The following FANCC variants were observed in gnomAD, a reference collection of about 807,000 sequenced individuals.
FANCC encodes Fanconi anemia group C protein.
A neutral mutation model predicts 71.3 loss-of-function variants in FANCC; 55 were observed. That is an observed-to-expected ratio of 0.77 (90% CI 0.62 to 0.97). The LOEUF (loss-of-function observed/expected upper bound fraction) is 0.97. Ranked by LOEUF, FANCC falls within the 50% of genes least tolerant of loss-of-function variation. The pLI is 0.00. For synonymous variants in FANCC, 275 were observed against 244.9 expected, an observed-to-expected ratio of 1.12 and a Z score of -1.15; for missense variants, 678 against 670.9, an observed-to-expected ratio of 1.01 and a Z score of -0.12.
chr9:95,309,314 T>G (rs757033217), intron 1 of FANCC, among the ~76,000 whole-genome samples: 42 of 152,334 alleles, frequency 2.8e-4, no homozygotes, highest in South Asian at 8.3e-4. Context: ...AAATGCATGC[T>G]GTTATACCAA....
rs927970499 is a variant in FANCC, at chr9:95,106,956, G to C, written c.1533+110C>G. ...CTCCTTGACCATTTATCTGTGCTGG[G>C]CAGCATCCTGGTACACACACTGTGC... On this transcript the variant is annotated intron_variant, in intron 14 of 14. Coordinates refer to ENST00000289081, the MANE Select transcript of FANCC (RefSeq NM_000136.3). The C allele has an allele frequency of 5.7e-6, 6 of 1,058,924 alleles. No individual in the cohort carries two copies. The African/African-American group carries it at 9.4e-5, about 17-fold the overall frequency. 65.6% of individuals were successfully genotyped at this position (1,058,924 alleles called of 1,614,324 possible). A position where few individuals can be genotyped will look rare whatever the true frequency, so the allele number is the denominator to read the frequency against.
chr9:95,183,467 G>C (rs1195676014), intron 4 of FANCC, among the ~76,000 whole-genome samples: 4 of 152,252 alleles, frequency 2.6e-5, no homozygotes, highest in Non-Finnish European at 5.9e-5. Flanking sequence ...CTTACAGCTA[G>C]TGAAGAACAT....
chr9:95,294,688 G>A (rs544701761), intron 1 of FANCC: 16 of 1,596,250 alleles, frequency 1.0e-5, no homozygotes, highest in African/African-American at 8.0e-5. Flanking sequence ...CACCAACAAC[G>A]AAACTCAAAC....
intron 1 of FANCC, among the ~76,000 whole-genome samples, chr9:95,295,539 A>G (rs552105390): frequency 2.0e-5 from 3 of 152,282 alleles, no homozygotes; most frequent in East Asian, 1.9e-4. Flanking sequence ...CAAAACCACA[A>G]TAAGAGAGGA....
intron 6 of FANCC, among the ~76,000 whole-genome samples, chr9:95,157,568 C>G (rs1053021891): frequency 1.3e-5 from 2 of 152,242 alleles, no homozygotes; most frequent in African/African-American, 4.8e-5. Flanking sequence ...TGGTTACCGT[C>G]TAGCCTTCTG....
chr9:95,126,607 TGTGAAATATCACAAG>T, intron 8 of FANCC, 26 bp from the exon 9 acceptor site: 2 of 1,611,830 alleles, frequency 1.2e-6, no homozygotes, highest in Non-Finnish European at 1.7e-6. Flanking sequence ...ACCATGAGAA[TGTGAAATATCACAAG>T]CACTTTCTCA....
At chr9:95,274,808 C>G (rs1199982387) in intron 1 of FANCC, among the ~76,000 whole-genome samples, 1 of 152,052 alleles carries the variant, frequency 6.6e-6, no homozygotes, top group Admixed American at 6.6e-5. Context: ...TGGACTGATA[C>G]ACAGTATGGG....
chr9:95,281,675 TA>T lies in FANCC; in HGVS notation c.-78-32307del, dbSNP rs1223725778. Among the ~76,000 whole-genome samples the T allele has an allele frequency of 2.6e-5, 4 of 152,244 alleles. 1 individual carries two copies. The highest frequency in any genetic ancestry group is 4.1e-4 in the South Asian group (2 of 4,830). The stretch of plus-strand genomic sequence containing the variant: ...CTGTAATGGTGGTATGTACATCATA[TA>T]TTTTTTTAAGAAGGTTAAGACAACA... On this transcript the variant is annotated intron_variant, in intron 1 of 14. Coordinates refer to ENST00000289081, the MANE Select transcript of FANCC (RefSeq NM_000136.3).
Position 95,293,688 on chromosome 9 carries a change from C to G in FANCC, c.-79+23838G>C, listed in dbSNP as rs1439243653. 4 of 1,613,838 alleles carry G rather than the reference C, an allele frequency of 2.5e-6. No homozygotes were observed. The African/African-American group carries it at 4.0e-5, about 16-fold the overall frequency. On this transcript the variant is annotated intron_variant, in intron 1 of 14. Transcript: ENST00000289081. ...TCAAACTGATTTGTTGTTTGATTCTCAAGTGTCTCTTCCCATTAGTGTTCA... is the reference window on the plus strand; with the variant it reads ...TCAAACTGATTTGTTGTTTGATTCTGAAGTGTCTCTTCCCATTAGTGTTCA...
chr9:95,266,882 T>C (rs1471352413), intron 1 of FANCC, among the ~76,000 whole-genome samples: 1 of 152,222 alleles, frequency 6.6e-6, no homozygotes, highest in African/African-American at 2.4e-5. Flanking sequence ...TTAAACTCTC[T>C]GCCCATGTGA....
chr9:95,105,891 C>T (rs1490437597), intron 14 of FANCC, among the ~76,000 whole-genome samples: 3 of 152,184 alleles, frequency 2.0e-5, no homozygotes, highest in Admixed American at 2.0e-4. Flanking sequence ...GCGTTTAGGC[C>T]ATCTCTGCCT....
At chr9:95,262,309 G>A (rs1832103663) in intron 1 of FANCC, among the ~76,000 whole-genome samples, 1 of 152,206 alleles carries the variant, frequency 6.6e-6, no homozygotes, top group African/African-American at 2.4e-5. Flanking sequence ...CATGAGAGCA[G>A]AAGGAAGTAA....
intron 1 of FANCC, among the ~76,000 whole-genome samples, chr9:95,301,429 T>A (rs1157046483): frequency 1.3e-5 from 2 of 152,044 alleles, no homozygotes; most frequent in African/African-American, 4.8e-5. Flanking sequence ...TTGTTTTTTT[T>A]GGTTCTGGGT....
At chr9:95,300,482 G>A (rs989836852) in intron 1 of FANCC, among the ~76,000 whole-genome samples, 1 of 149,188 alleles carries the variant, frequency 6.7e-6, no homozygotes, top group Non-Finnish European at 1.5e-5. Flanking sequence ...AGACAGTCTC[G>A]CTCTGTCGCC....
At chr9:95,105,051 T>C (rs1421635304) in intron 14 of FANCC, among the ~76,000 whole-genome samples, 1 of 152,230 alleles carries the variant, frequency 6.6e-6, no homozygotes, top group Non-Finnish European at 1.5e-5. Flanking sequence ...CTCGAAAGCA[T>C]TCTCGCTGTG....
intron 1 of FANCC, chr9:95,292,841 G>A: frequency 1.3e-6 from 2 of 1,585,850 alleles, no homozygotes; most frequent in Non-Finnish European, 1.7e-6. Context: ...AATGTAGCAA[G>A]TGCAGCAATT....
At chr9:95,235,885 A>G (rs945189365) in intron 4 of FANCC, among the ~76,000 whole-genome samples, 12 of 147,672 alleles carry the variant, frequency 8.1e-5, no homozygotes, top group Non-Finnish European at 1.6e-4. Flanking sequence ...CAAGGGGCAC[A>G]TGGGGGGCAG....
chr9:95,191,457 G>A (rs1827108701), intron 4 of FANCC, among the ~76,000 whole-genome samples: 1 of 149,102 alleles, frequency 6.7e-6, no homozygotes. Flanking sequence ...CTCCCAAAGT[G>A]CTGGAATTAC....
At chr9:95,273,973 G>A (rs1400640061) in intron 1 of FANCC, among the ~76,000 whole-genome samples, 1 of 152,212 alleles carries the variant, frequency 6.6e-6, no homozygotes, top group African/African-American at 2.4e-5. Context: ...TTTAGAATTT[G>A]TGATCTTTGG....
Sources: gnomAD v4.1 joint callset for allele counts (sites outside exome capture counted in the v4.1 genomes callset) on GRCh38, gnomAD v4.1.1 for gene constraint, MANE v1.5 for transcripts, NCBI Gene and HGNC (gene_info 2026-07-23, HGNC 2026-07-21) for gene names.